The following ACAD11 variants were observed in gnomAD, a reference collection of about 807,000 sequenced individuals.
ACAD11 encodes the protein acyl-Coenzyme A dehydrogenase family, member 11.
ACAD11 carries 83 observed loss-of-function variants against 102.2 expected under a neutral mutation model. The observed-to-expected ratio is 0.81, with a 90% CI of 0.68 to 0.97. The LOEUF is 0.97. ACAD11 is among the 50% of genes least tolerant of loss of function. The probability of loss-of-function intolerance (pLI) is 0.00; values close to 1 mark genes in which losing one functional copy is unlikely to be tolerated. For synonymous variants in ACAD11, 324 were observed against 319.8 expected (o/e 1.01, Z -0.14); for missense variants, 901 against 951.7 (o/e 0.95, Z 0.70).
chr3:132,623,485 C>T (rs1057373457), intron 9 of ACAD11, among the ~76,000 whole-genome samples: 24 of 151,044 alleles, frequency 1.6e-4, no homozygotes, highest in African/African-American at 5.4e-4. Flanking sequence ...CAGGATAAAA[C>T]GTTTTTATAG....
At chr3:132,634,771 T>C (rs545293538) in intron 5 of ACAD11, among the ~76,000 whole-genome samples, 56 of 152,190 alleles carry the variant, frequency 3.7e-4, no homozygotes, top group Middle Eastern at 6.8e-3. Flanking sequence ...TGGATGAAGC[T>C]GGAAACCATC....
chr3:132,640,732 A>AT (rs1378458166), intron 4 of ACAD11, among the ~76,000 whole-genome samples: 2 of 152,248 alleles, frequency 1.3e-5, no homozygotes, highest in East Asian at 1.9e-4. Flanking sequence ...AATAATACCT[A>AT]TATCTTAGAG....
At chr3:132,566,715 T>A (rs1005044458) in intron 17 of ACAD11, among the ~76,000 whole-genome samples, 1 of 152,072 alleles carries the variant, frequency 6.6e-6, no homozygotes, top group African/African-American at 2.4e-5. Flanking sequence ...AAATAAGACA[T>A]TCTTAGAAGA....
At chr3:132,583,901 T>A (rs1487930515) in intron 13 of ACAD11, among the ~76,000 whole-genome samples, 1 of 152,252 alleles carries the variant, frequency 6.6e-6, no homozygotes, top group Non-Finnish European at 1.5e-5. Flanking sequence ...TTGATTGCAC[T>A]GTGGTCTGAG....
intron 13 of ACAD11, among the ~76,000 whole-genome samples, chr3:132,591,033 C>G (rs1176722346): frequency 6.6e-6 from 1 of 152,164 alleles, no homozygotes; most frequent in Admixed American, 6.5e-5. Context: ...TCAATTTTTG[C>G]TTTTGCTGTG....
In ACAD11 at chr3:132,630,408, C is replaced by T. The variant is rs767198513; in HGVS notation, c.963+29G>A. 92 of 1,597,494 alleles carry T rather than the reference C, an allele frequency of 5.8e-5. 2 individuals carry two copies. The Admixed American group carries it at 9.5e-4, about 17-fold the overall frequency. ...TCAACAGTACACTGGTAAATAATGG[C>T]GAAACACACGTTTAAAACAATTAAT... On this transcript the variant is annotated intron_variant, in intron 7 of 19. Transcript: ENST00000264990.
chr3:132,630,567 A>C lies in ACAD11; in HGVS notation c.842-9T>G. ...TTCCATTGATGGTATCCCTATAAAA[A>C]CAGCATGTAATATAAACTTTAATTA... On this transcript the variant is annotated splice_polypyrimidine_tract_variant and intron_variant, in intron 6 of 19. Transcript: ENST00000264990. The C allele has an allele frequency of 6.3e-7, 1 of 1,598,112 alleles. No homozygotes were observed. The highest frequency in any genetic ancestry group is 8.5e-7 in the Non-Finnish European group (1 of 1,173,044).
chr3:132,582,799 A>G (rs1407941273), intron 13 of ACAD11, among the ~76,000 whole-genome samples: 1 of 152,094 alleles, frequency 6.6e-6, no homozygotes, highest in Non-Finnish European at 1.5e-5. Context: ...GAATAAGGAG[A>G]CACCTTAAAC....
intron 13 of ACAD11, among the ~76,000 whole-genome samples, chr3:132,594,197 T>C (rs1938203431): frequency 6.6e-6 from 1 of 152,048 alleles, no homozygotes; most frequent in Admixed American, 6.6e-5. Flanking sequence ...GCAAAAACAA[T>C]GTGTAAATTC....
Position 132,626,784 on chromosome 3 carries a change from A to G in ACAD11, c.1104T>C (p.Thr368=). Residue 368 remains threonine (T), a synonymous_variant, in exon 9 of 20, where the codon ACT becomes ACC. Transcript: ENST00000264990. ...GAGTCTGTACAAACAACTGTCCAGT[A>G]GTATCAATCTGTGGTAGTACAGTAC... ...TFSTVLPQID[T]TGQLFVQTRK... 6.2e-7 allele frequency: 1 copy of G among 1,613,830 alleles called. No individual in the cohort carries two copies. Among genetic ancestry groups the G allele is most frequent in the Non-Finnish European group, 8.5e-7 (1 of 1,179,904 alleles).
At chr3:132,604,729 A>C (rs1304019325) in intron 12 of ACAD11, among the ~76,000 whole-genome samples, 1 of 152,208 alleles carries the variant, frequency 6.6e-6, no homozygotes, top group African/African-American at 2.4e-5. Context: ...ATATTTTATA[A>C]GTATCAATAT....
In ACAD11 at chr3:132,560,982, A is replaced by T. The variant is rs1294520416; in HGVS notation, c.2118+119T>A. On this transcript the variant is annotated intron_variant, in intron 18 of 19. Transcript: ENST00000264990. ...TTTATAATTTATAACCCAAAATCAC[A>T]TGGGGGCTTCCAATATTCTGAGTGC... 99 of 744,724 alleles carry T rather than the reference A, an allele frequency of 1.3e-4. 1 individual carries two copies. In the East Asian group the frequency reaches 2.5e-3, roughly 19 times the overall value. The allele number at this position is 744,724 out of a possible 1,614,324, so 46.1% of individuals were successfully genotyped here. A position where few individuals can be genotyped will look rare whatever the true frequency, so the allele number is the denominator to read the frequency against.
chr3:132,642,487 C>T (rs1289963749), intron 3 of ACAD11, among the ~76,000 whole-genome samples, 190 bp downstream of exon 3: 1 of 152,156 alleles, frequency 6.6e-6, no homozygotes, highest in African/African-American at 2.4e-5. Context: ...AAATTTGTTT[C>T]TTGTCTATTC....
rs1203911548 is a variant in ACAD11 at position 132,642,745 on chromosome 3, T to G, written c.307A>C (p.Lys103Gln). The G allele has an allele frequency of 6.2e-7, 1 of 1,613,516 alleles. No homozygotes were observed. ...GTATCACTGCAGTACAGTATAGGCTTGGGAACGGGGAATCCAATTGAAAAC... is the reference window on the plus strand; with the variant it reads ...GTATCACTGCAGTACAGTATAGGCTGGGGAACGGGGAATCCAATTGAAAAC... ...ALFSIGFPVP[K>Q]PILYCSDTSV... The change falls in exon 3 of 20, where the codon AAG becomes CAG. Residue 103 changes from lysine to glutamine, a missense_variant. Coordinates refer to ENST00000264990, the MANE Select transcript of ACAD11 (RefSeq NM_032169.5).
chr3:132,593,765 G>A (rs1938182707), intron 13 of ACAD11, among the ~76,000 whole-genome samples: 2 of 152,110 alleles, frequency 1.3e-5, no homozygotes, highest in Admixed American at 6.6e-5. Flanking sequence ...AGAGGGTGTG[G>A]GGAGAGAGAT....
At chr3:132,645,163 G>A (rs2107890677) in intron 1 of ACAD11, among the ~76,000 whole-genome samples, 1 of 152,300 alleles carries the variant, frequency 6.6e-6, no homozygotes, top group African/African-American at 2.4e-5. Flanking sequence ...GTTTTATCAG[G>A]AGTACCTGTA....
At chr3:132,564,191 C>T (rs1202202673) in intron 17 of ACAD11, among the ~76,000 whole-genome samples, 2 of 152,028 alleles carry the variant, frequency 1.3e-5, no homozygotes, top group Admixed American at 6.6e-5. Context: ...AGATTCTATT[C>T]GGTAATACTT....
chr3:132,622,014 C>T (rs1486218783), intron 9 of ACAD11, among the ~76,000 whole-genome samples: 1 of 146,102 alleles, frequency 6.8e-6, no homozygotes, highest in Non-Finnish European at 1.5e-5. Context: ...AAAACAATAA[C>T]AATCACTAAT....
At chr3:132,628,254 T>C in intron 8 of ACAD11, 86 bp downstream of exon 8, 1 of 822,972 alleles carries the variant, frequency 1.2e-6, no homozygotes, top group Non-Finnish European at 1.8e-6. Context: ...GCAATAAAAA[T>C]AATCCCTACT....
Sources: allele counts gnomAD v4.1 joint callset (sites outside exome capture counted in the v4.1 genomes callset), GRCh38; gene constraint gnomAD v4.1.1; transcripts MANE v1.5; gene names NCBI Gene and HGNC (gene_info 2026-07-23, HGNC 2026-07-21).